The following DCAF8L2 variants were observed in gnomAD, a reference collection of about 807,000 sequenced individuals.
DCAF8L2 encodes DDB1- and CUL4-associated factor 8-like protein 2.
For missense variants in DCAF8L2, 430 were observed against 490.7 expected (o/e 0.88, Z 1.17); for synonymous variants, 200 against 190.9 (o/e 1.05, Z -0.39).
the DCAF8L2 span, among the ~76,000 whole-genome samples, chrX:27,491,335 G>C: frequency 8.9e-5 from 10 of 111,893 alleles, no homozygotes; most frequent in South Asian, 3.7e-3. Flanking sequence ...GGATATTCAA[G>C]TGGGGCATTC....
chrX:27,539,069 G>A, the DCAF8L2 span, among the ~76,000 whole-genome samples: 1 of 110,596 alleles, frequency 9.0e-6, no homozygotes, highest in Non-Finnish European at 1.9e-5. Context: ...GGCTAGTCTT[G>A]AACTCCTGGG....
At chrX:27,489,785 ACTC>A in the DCAF8L2 span, among the ~76,000 whole-genome samples, 15 of 111,791 alleles carry the variant, frequency 1.3e-4, no homozygotes, top group South Asian at 5.6e-3. Context: ...GGCTACTGTG[ACTC>A]CATATTTTGT....
At chrX:27,557,839 T>G in the DCAF8L2 span, among the ~76,000 whole-genome samples, 2 of 111,209 alleles carry the variant, frequency 1.8e-5, no homozygotes, top group Admixed American at 1.9e-4. Context: ...CACACTTTAT[T>G]CCACATACAT....
chrX:27,678,466 TGTG>T (rs1286998284), intron 3 of DCAF8L2, among the ~76,000 whole-genome samples: 1 of 111,780 alleles, frequency 8.9e-6, no homozygotes, highest in Admixed American at 9.6e-5. Flanking sequence ...ATAAACAAAA[TGTG>T]GTATATATAG....
intron 1 of DCAF8L2, among the ~76,000 whole-genome samples, chrX:27,614,916 G>A (rs1473898286): frequency 9.0e-6 from 1 of 111,142 alleles, no homozygotes; most frequent in African/African-American, 3.3e-5. Context: ...TATAGGAAAC[G>A]TTCCATACCC....
the DCAF8L2 span, among the ~76,000 whole-genome samples, chrX:27,482,447 A>G: frequency 9.0e-6 from 1 of 111,635 alleles, no homozygotes; most frequent in Non-Finnish European, 1.9e-5. Context: ...AGTTCTTGAC[A>G]TAATTTCCTC....
At chrX:27,603,520 T>A (rs987003099) in intron 1 of DCAF8L2, among the ~76,000 whole-genome samples, 2 of 111,949 alleles carry the variant, frequency 1.8e-5, no homozygotes, top group East Asian at 5.6e-4. Context: ...CTAAATACAT[T>A]TGACACTTTA....
At chrX:27,617,234 A>T (rs189062710) in intron 1 of DCAF8L2, among the ~76,000 whole-genome samples, 1 of 111,314 alleles carries the variant, frequency 9.0e-6, no homozygotes, top group African/African-American at 3.3e-5. Flanking sequence ...CCTGACCTTC[A>T]TTATAAATAT....
the DCAF8L2 span, among the ~76,000 whole-genome samples, chrX:27,548,392 T>G: frequency 9.0e-6 from 1 of 111,455 alleles, no homozygotes; most frequent in African/African-American, 3.3e-5. Context: ...TTCTTCAAAA[T>G]GGTGTGGAGG....
chrX:27,620,669 A>T (rs1927713857), intron 1 of DCAF8L2, among the ~76,000 whole-genome samples: 1 of 112,172 alleles, frequency 8.9e-6, no homozygotes. Flanking sequence ...ACAAGAAGAA[A>T]TATCAAGTAT....
intron 4 of DCAF8L2, 88 bp from the exon 5 acceptor site, chrX:27,746,750 C>A: frequency 3.8e-6 from 2 of 530,563 alleles, no homozygotes; most frequent in Non-Finnish European, 6.1e-6. Context: ...ATTTAGTCTC[C>A]TTTAGCCAAT....
At chrX:27,598,974 A>AAAATAT (rs1555917079) in intron 1 of DCAF8L2, among the ~76,000 whole-genome samples, 20 of 92,190 alleles carry the variant, frequency 2.2e-4, no homozygotes, top group African/African-American at 6.3e-4. Flanking sequence ...AAAAAAAAAA[A>AAAATAT]ATATATATAT....
the DCAF8L2 span, among the ~76,000 whole-genome samples, chrX:27,502,335 AATATAT>A: frequency 0.018 from 234 of 12,692 alleles, 4 homozygotes; most frequent in African/African-American, 0.025. Flanking sequence ...AAAAAAAAAA[AATATAT>A]ATATATATAT....
At chrX:27,637,118 A>T (rs1928533941) in intron 2 of DCAF8L2, among the ~76,000 whole-genome samples, 1 of 112,209 alleles carries the variant, frequency 8.9e-6, no homozygotes, top group African/African-American at 3.2e-5. Context: ...TCAAAGTCCC[A>T]ATAACATTGT....
At chrX:27,552,003 T>A in the DCAF8L2 span, among the ~76,000 whole-genome samples, 1 of 112,181 alleles carries the variant, frequency 8.9e-6, no homozygotes, top group Non-Finnish European at 1.9e-5. Flanking sequence ...TTTGTTATAT[T>A]TTTTTTCTTT....
intron 2 of DCAF8L2, among the ~76,000 whole-genome samples, chrX:27,672,770 A>G (rs1458402663): frequency 8.9e-6 from 1 of 112,425 alleles, no homozygotes; most frequent in African/African-American, 3.2e-5. Flanking sequence ...AAAATCCCTC[A>G]ATTTCAGATA....
chrX:27,593,232 C>A (rs1229074027), intron 1 of DCAF8L2, among the ~76,000 whole-genome samples: 2 of 111,757 alleles, frequency 1.8e-5, no homozygotes, highest in African/African-American at 6.5e-5. Flanking sequence ...CTCCCTTTGC[C>A]CTTCCTCCCA....
At chrX:27,653,826 G>T (rs1277908815) in intron 2 of DCAF8L2, among the ~76,000 whole-genome samples, 1 of 109,662 alleles carries the variant, frequency 9.1e-6, no homozygotes, top group Non-Finnish European at 1.9e-5. Context: ...TTCCTGAGAG[G>T]ATTATGTTTT....
chrX:27,629,646 C>A (rs947043692), intron 1 of DCAF8L2, among the ~76,000 whole-genome samples: 2 of 111,338 alleles, frequency 1.8e-5, no homozygotes, highest in Non-Finnish European at 1.9e-5. Context: ...TATTTCTGGG[C>A]TTTTTATTCT....
Sources: gnomAD v4.1 joint callset for allele counts (sites outside exome capture counted in the v4.1 genomes callset) on GRCh38, gnomAD v4.1.1 for gene constraint, MANE v1.5 for transcripts, NCBI Gene and HGNC (gene_info 2026-07-23, HGNC 2026-07-21) for gene names.